NOX1: variants seen among roughly 807,000 people sequenced by gnomAD.
The protein encoded by NOX1 is NADH/NADPH mitogenic oxidase subunit P65-MOX.
In NOX1, 34 loss-of-function variants were observed where a neutral mutation model predicts 42.5. That is an observed-to-expected ratio of 0.80 (90% CI 0.61 to 1.07). NOX1 has a LOEUF of 1.07. Among genes scored for constraint, NOX1 ranks in the 50% least tolerant of loss-of-function variants. NOX1 has a pLI of 0.00. For missense variants in NOX1, 408 were observed against 427.0 expected (o/e 0.96, Z 0.39); for synonymous variants, 143 against 152.5 (o/e 0.94, Z 0.46).
intron 2 of NOX1, among the ~76,000 whole-genome samples, chrX:100,870,304 C>T (rs2085266223): frequency 9.1e-6 from 1 of 109,631 alleles, no homozygotes; most frequent in Non-Finnish European, 1.9e-5. Flanking sequence ...GGAGCACTGC[C>T]CAGTTAGCCT....
intron 7 of NOX1, among the ~76,000 whole-genome samples, chrX:100,853,332 C>CTTTTTCTTTCTTTCTTTCTT (rs1556128756): frequency 5.2e-5 from 1 of 19,344 alleles, no homozygotes; most frequent in Non-Finnish European, 8.3e-5. Flanking sequence ...CTCTCTCTTT[C>CTTTTTCTTTCTTTCTTTCTT]TCTTTCTTTC....
chrX:100,853,279 T>TTTCC (rs2085132102), intron 7 of NOX1, among the ~76,000 whole-genome samples: 4 of 77,929 alleles, frequency 5.1e-5, no homozygotes, highest in Non-Finnish European at 9.7e-5. Context: ...TCTTTCTTTC[T>TTTCC]TTCTTTCTTT....
intron 4 of NOX1, 115 bp from the exon 5 acceptor site, chrX:100,862,935 A>C (rs1027909985): frequency 1.3e-6 from 1 of 749,874 alleles, no homozygotes; most frequent in East Asian, 3.2e-5. Flanking sequence ...TGCTGAGTGC[A>C]CAGAAGGTGC....
rs1014635959 is a variant in NOX1 at position 100,849,487 on chromosome X, G to A, written c.1297-61C>T. On this transcript the variant is annotated intron_variant, in intron 10 of 12. Transcript: ENST00000372966. ...TGACCTTAAAAGTCACATTTATAGA[G>A]CCGCAAACTTTAGGCAGCAGGAATG... 3 of 1,102,419 alleles carry A rather than the reference G, an allele frequency of 2.7e-6. No homozygotes were observed. In the African/African-American group the frequency reaches 5.5e-5, roughly 20 times the overall value. The allele number at this position is 1,102,419 out of a possible 1,213,427, so 90.9% of individuals were successfully genotyped here.
chrX:100,855,735 C>A, intron 7 of NOX1: 1 of 1,022,318 alleles, frequency 9.8e-7, no homozygotes, highest in East Asian at 3.0e-5. Flanking sequence ...GCCACCATGA[C>A]CACTGAAGTT....
At chrX:100,856,328 A>C in intron 7 of NOX1, 1 of 644,352 alleles carries the variant, frequency 1.6e-6, no homozygotes, top group Non-Finnish European at 2.6e-6. Context: ...CAAATCTCCA[A>C]TGAAGAGCTT....
At chrX:100,844,938 C>T (rs1212900145) in intron 12 of NOX1, among the ~76,000 whole-genome samples, 1 of 112,063 alleles carries the variant, frequency 8.9e-6, no homozygotes, top group Non-Finnish European at 1.9e-5. Context: ...CAAAATTTCT[C>T]CTAGTGGAGA....
chrX:100,843,444 G>A lies in NOX1; in HGVS notation c.*508C>T. 1 of 1,114,047 alleles carries A rather than the reference G, an allele frequency of 9.0e-7. No individual in the cohort carries two copies. Among genetic ancestry groups the A allele is most frequent in the Non-Finnish European group, 1.2e-6 (1 of 852,849 alleles). 91.8% of individuals were successfully genotyped at this position (1,114,047 alleles called of 1,213,427 possible). ...ACATGTACACTGTTGGTGTTATATGGGGATGGGGTTCTCGGTAATTTTGTT... is the reference window on the plus strand; with the variant it reads ...ACATGTACACTGTTGGTGTTATATGAGGATGGGGTTCTCGGTAATTTTGTT... On this transcript the variant is annotated 3_prime_UTR_variant, in exon 13 of 13. Transcript: ENST00000372966.
chrX:100,849,082 G>GA (rs767016582), intron 11 of NOX1, among the ~76,000 whole-genome samples, 198 bp downstream of exon 11: 10 of 44,641 alleles, frequency 2.2e-4, no homozygotes, highest in Middle Eastern at 9.4e-3. Flanking sequence ...GTCTCAAAAA[G>GA]AAAAAAAAAA....
At chrX:100,860,821 G>T (rs1352185832) in intron 7 of NOX1, among the ~76,000 whole-genome samples, 2 of 111,465 alleles carry the variant, frequency 1.8e-5, no homozygotes, top group Non-Finnish European at 3.8e-5. Context: ...GAGTGCAGTG[G>T]CATGATTACA....
At chrX:100,867,219 A>C (rs1434599317) in intron 2 of NOX1, among the ~76,000 whole-genome samples, 1 of 110,669 alleles carries the variant, frequency 9.0e-6, no homozygotes, top group Admixed American at 9.6e-5. Flanking sequence ...TTTTTAGTAG[A>C]GATGGGGTTT....
intron 1 of NOX1, among the ~76,000 whole-genome samples, chrX:100,873,509 C>T (rs2085288555): frequency 8.9e-6 from 1 of 111,873 alleles, no homozygotes; most frequent in African/African-American, 3.2e-5. Context: ...ATTTGAAAGA[C>T]TCAGTAAAAA....
chrX:100,862,391 C>T lies in NOX1; in HGVS notation c.671+1G>A. The T allele has an allele frequency of 8.3e-7, 1 of 1,210,415 alleles. No individual in the cohort carries two copies. Among genetic ancestry groups the T allele is most frequent in the Non-Finnish European group, 1.1e-6 (1 of 894,478 alleles). On this transcript the variant is annotated splice_donor_variant, in intron 6 of 12. Coordinates refer to ENST00000372966, the MANE Select transcript of NOX1 (RefSeq NM_007052.5). LOFTEE classifies it high-confidence loss of function. ...TGAGAATGAGGGTTCGAGGATCTTA[C>T]CCAATGCCGTGAATCCCTAAGCCAA... is the stretch of plus-strand genomic sequence containing the variant.
chrX:100,866,093 G>A (rs928392517), intron 2 of NOX1, among the ~76,000 whole-genome samples: 6 of 110,231 alleles, frequency 5.4e-5, no homozygotes, highest in African/African-American at 9.9e-5. Flanking sequence ...ATGAAAGTTC[G>A]CACATGTAAC....
At chrX:100,845,243 C>A (rs1349787360) in intron 12 of NOX1, among the ~76,000 whole-genome samples, 1 of 111,248 alleles carries the variant, frequency 9.0e-6, no homozygotes, top group Non-Finnish European at 1.9e-5. Flanking sequence ...CTACCCAAGA[C>A]AATCACTTTA....
chrX:100,854,922 G>GCTT (rs2085155672), intron 7 of NOX1, among the ~76,000 whole-genome samples: 1 of 102,529 alleles, frequency 9.8e-6, no homozygotes, highest in African/African-American at 3.7e-5. Flanking sequence ...TACCAAGATG[G>GCTT]CTTCAGTGTA....
rs762614430 is a variant in NOX1 at position 100,866,280 on chromosome X, C to G, written c.142-2685G>C. On this transcript the variant is annotated intron_variant, in intron 2 of 12. Transcript: ENST00000372966. The stretch of plus-strand genomic sequence containing the variant: ...TATATTAACATAAGCAATTTCCAGC[C>G]AATATCTACAAAGTGATCCCTTTTT... Among the ~76,000 whole-genome samples the G allele has an allele frequency of 9.1e-5, 10 of 110,418 alleles. No homozygotes were observed. In the East Asian group the frequency reaches 2.8e-3, roughly 31 times the overall value.
intron 7 of NOX1, chrX:100,855,398 G>A (rs375101906): frequency 3.8e-5 from 23 of 602,845 alleles, no homozygotes; most frequent in Admixed American, 1.3e-4. Flanking sequence ...GGGCCAGAGC[G>A]TCTGCCCCAA....
intron 12 of NOX1, among the ~76,000 whole-genome samples, chrX:100,845,461 T>C (rs965820409): frequency 9.0e-5 from 10 of 110,915 alleles, no homozygotes; most frequent in African/African-American, 3.3e-4. Context: ...CATTCATCTA[T>C]TGATGGATGC....
Sources: allele counts gnomAD v4.1 joint callset (sites outside exome capture counted in the v4.1 genomes callset), GRCh38; gene constraint gnomAD v4.1.1; transcripts MANE v1.5; gene names NCBI Gene and HGNC (gene_info 2026-07-23, HGNC 2026-07-21).